The following SLCO3A1 variants were observed in gnomAD, a reference collection of about 807,000 sequenced individuals.
SLCO3A1 encodes the protein solute carrier organic anion transporter family member 3A1.
A neutral mutation model predicts 63.1 loss-of-function variants in SLCO3A1; 27 were observed. The observed-to-expected ratio is 0.43, with a 90% CI of 0.32 to 0.59. The LOEUF (loss-of-function observed/expected upper bound fraction) is 0.59, where lower values mean the gene tolerates loss of function less well. Ranked by LOEUF, SLCO3A1 falls within the 20% of genes least tolerant of loss-of-function variation. SLCO3A1 has a pLI of 0.09. For synonymous variants in SLCO3A1, 473 were observed against 409.9 expected (o/e 1.15, Z -1.86); for missense variants, 773 against 945.8 (o/e 0.82, Z 2.40).
chr15:91,892,956 T>C (rs1011094894), intron 1 of SLCO3A1, among the ~76,000 whole-genome samples: 2 of 152,262 alleles, frequency 1.3e-5, no homozygotes, highest in Non-Finnish European at 2.9e-5. Context: ...AATGTTTTGT[T>C]ACTGTTATTT....
At chr15:92,151,853 G>A (rs554582750) in intron 9 of SLCO3A1, among the ~76,000 whole-genome samples, 38 of 152,196 alleles carry the variant, frequency 2.5e-4, no homozygotes, top group Non-Finnish European at 5.3e-4. Context: ...CTCATTCCAC[G>A]TATATAATCG....
At chr15:91,975,148 T>G (rs1427743477) in intron 2 of SLCO3A1, among the ~76,000 whole-genome samples, 1 of 152,226 alleles carries the variant, frequency 6.6e-6, no homozygotes, top group Non-Finnish European at 1.5e-5. Context: ...TGTTATTCTC[T>G]TTTTACCATT....
chr15:91,888,018 T>C (rs950530525), intron 1 of SLCO3A1, among the ~76,000 whole-genome samples: 14 of 152,372 alleles, frequency 9.2e-5, no homozygotes, highest in African/African-American at 3.1e-4. Context: ...CATGATGTGC[T>C]GCTTTGTTCT....
chr15:91,986,560 A>C (rs1235677909), intron 2 of SLCO3A1, among the ~76,000 whole-genome samples: 1 of 152,040 alleles, frequency 6.6e-6, no homozygotes, highest in African/African-American at 2.4e-5. Context: ...GATCAATGTG[A>C]ACATTACTAG....
intron 1 of SLCO3A1, among the ~76,000 whole-genome samples, chr15:91,888,310 G>A (rs1005767658): frequency 3.9e-5 from 6 of 152,180 alleles, no homozygotes; most frequent in African/African-American, 1.4e-4. Flanking sequence ...ATCAGTATGG[G>A]CTGCCGGCTC....
intron 5 of SLCO3A1, among the ~76,000 whole-genome samples, chr15:92,124,481 G>A (rs184519638): frequency 2.6e-5 from 4 of 152,186 alleles, no homozygotes; most frequent in South Asian, 4.1e-4. Flanking sequence ...TGTTGTCACT[G>A]ATGTCCATTC....
chr15:92,146,981 C>T lies in SLCO3A1; in HGVS notation c.1513-3C>T, dbSNP rs368957498. On this transcript the variant is annotated splice_region_variant and splice_polypyrimidine_tract_variant and intron_variant, in intron 7 of 9. Coordinates refer to ENST00000318445, the MANE Select transcript of SLCO3A1 (RefSeq NM_013272.4). ...ATAAAAGGGCTGAACGCTTCCCTTT[C>T]AGAATCTCACGGGCTGTGCGTGCCT... 3.1e-6 allele frequency: 5 copies of T among 1,604,590 alleles called. No individual in the cohort carries two copies. In the African/African-American group the frequency reaches 5.4e-5, roughly 17 times the overall value.
Position 91,865,734 on chromosome 15 carries a change from C to T in SLCO3A1, c.180+11646C>T, listed in dbSNP as rs1222439209. Among the ~76,000 whole-genome samples, 1 of 152,190 alleles carries T rather than the reference C, an allele frequency of 6.6e-6. No homozygotes were observed. ...GGACACCGGTCACATTGGATTAGGG[C>T]TCACCCTAATGACCTCATGTGACTA... On this transcript the variant is annotated intron_variant, in intron 1 of 9. Coordinates refer to ENST00000318445, the MANE Select transcript of SLCO3A1 (RefSeq NM_013272.4). This position sits in a 1 kb window ranked among gnomAD's most constrained non-coding sequence, Gnocchi z 4.6.
intron 2 of SLCO3A1, among the ~76,000 whole-genome samples, chr15:91,971,531 G>A (rs1022331956): frequency 1.4e-4 from 21 of 151,666 alleles, no homozygotes; most frequent in Non-Finnish European, 2.9e-4. Context: ...TGTTTGAAAA[G>A]GCCCCAAGCA....
At chr15:92,062,513 A>C (rs762153199) in intron 2 of SLCO3A1, among the ~76,000 whole-genome samples, 1 of 152,176 alleles carries the variant, frequency 6.6e-6, no homozygotes, top group African/African-American at 2.4e-5. Flanking sequence ...TCGTGTGGTC[A>C]AGTTTGTGTC....
chr15:92,023,413 A>T (rs35665052), intron 2 of SLCO3A1, among the ~76,000 whole-genome samples: 143 of 152,148 alleles, frequency 9.4e-4, no homozygotes, highest in Non-Finnish European at 1.8e-3. Flanking sequence ...ACTCTATATG[A>T]GAAGAAAACT....
chr15:91,880,415 G>A (rs940430971), intron 1 of SLCO3A1, among the ~76,000 whole-genome samples: 17 of 151,384 alleles, frequency 1.1e-4, no homozygotes, highest in African/African-American at 3.9e-4. Flanking sequence ...CTCTCTGTGT[G>A]TGTGTGTGTG....
chr15:92,090,485 G>T (rs912353038), intron 2 of SLCO3A1, among the ~76,000 whole-genome samples: 1 of 152,178 alleles, frequency 6.6e-6, no homozygotes, highest in Non-Finnish European at 1.5e-5. Context: ...TTGTCCCCTT[G>T]TCCAGCCATC....
chr15:92,026,964 C>A (rs1244233823), intron 2 of SLCO3A1, among the ~76,000 whole-genome samples: 1 of 152,136 alleles, frequency 6.6e-6, no homozygotes, highest in Non-Finnish European at 1.5e-5. Flanking sequence ...GTGGTGCACG[C>A]CTGTAATCCC....
chr15:92,133,793 G>A (rs1338398088), intron 7 of SLCO3A1, among the ~76,000 whole-genome samples: 1 of 111,468 alleles, frequency 9.0e-6, no homozygotes, highest in Non-Finnish European at 2.2e-5. Context: ...ATAATACAAT[G>A]TAATAATAGA....
chr15:92,043,502 T>A (rs1196982443), intron 2 of SLCO3A1, among the ~76,000 whole-genome samples: 1 of 152,218 alleles, frequency 6.6e-6, no homozygotes, highest in African/African-American at 2.4e-5. Context: ...GTGAGAAGCA[T>A]CCTTGAGTCA....
chr15:92,141,020 G>A (rs1382167328), intron 7 of SLCO3A1, among the ~76,000 whole-genome samples: 1 of 152,188 alleles, frequency 6.6e-6, no homozygotes, highest in African/African-American at 2.4e-5. Context: ...TCGTAGAACG[G>A]ACAAGCCTGT....
intron 2 of SLCO3A1, among the ~76,000 whole-genome samples, chr15:91,935,198 C>T (rs1379167443): frequency 1.3e-5 from 2 of 152,154 alleles, no homozygotes; most frequent in Non-Finnish European, 2.9e-5. Flanking sequence ...GTGATCTGCC[C>T]GCCTCGGCCT....
intron 7 of SLCO3A1, among the ~76,000 whole-genome samples, chr15:92,146,447 T>G (rs1426229673): frequency 6.6e-6 from 1 of 152,238 alleles, no homozygotes; most frequent in African/African-American, 2.4e-5. Flanking sequence ...CAGAGAACTT[T>G]CCATCAGCTG....
Sources: allele counts gnomAD v4.1 joint callset (sites outside exome capture counted in the v4.1 genomes callset), GRCh38; gene constraint gnomAD v4.1.1; non-coding constraint Gnocchi (gnomAD v3.1); transcripts MANE v1.5; gene names NCBI Gene and HGNC (gene_info 2026-07-23, HGNC 2026-07-21).